The following TSPAN32 variants were observed in gnomAD, a reference collection of about 807,000 sequenced individuals.
TSPAN32 encodes tetraspanin 32, also known as tetraspanin-32.
A neutral mutation model predicts 42.7 loss-of-function variants in TSPAN32; 47 were observed. The observed-to-expected ratio is 1.10, with a 90% confidence interval of 0.87 to 1.40. TSPAN32 has a LOEUF of 1.40. Ranked by LOEUF, TSPAN32 falls within the 40% of genes most tolerant of loss-of-function variation. TSPAN32 has a pLI of 0.00. For synonymous variants in TSPAN32, 175 were observed against 175.9 expected, an observed-to-expected ratio of 0.99 and a Z score of 0.04; for missense variants, 469 against 424.1, an observed-to-expected ratio of 1.11 and a Z score of -0.93.
At chr11:2,306,715 C>T (rs1848111436) in intron 3 of TSPAN32, among the ~76,000 whole-genome samples, 1 of 149,310 alleles carries the variant, frequency 6.7e-6, no homozygotes, top group African/African-American at 2.5e-5. Flanking sequence ...TGGCCCTCAG[C>T]CAGCAAGGAG....
In TSPAN32 at chr11:2,316,246, C is replaced by T; in HGVS notation, c.561C>T (p.Ile187=). The change falls in exon 7 of 10, where the codon ATC becomes ATT. Residue 187 remains isoleucine (I), a synonymous_variant. Transcript: ENST00000182290. ...EAAREDCLQG[I]RSFLRTHQQV... is the part of the protein sequence containing the mutation. ...TCTCACAGGACTGCCTTCAGGGCAT[C>T]CGGAGCTTCCTGAGGACACACCAGC... 1 of 1,595,372 alleles carries T rather than the reference C, an allele frequency of 6.3e-7. No homozygotes were observed. The highest frequency in any genetic ancestry group is 1.1e-5 in the South Asian group (1 of 87,916).
chr11:2,306,305 C>T (rs555143239), intron 3 of TSPAN32, among the ~76,000 whole-genome samples: 15 of 152,244 alleles, frequency 9.9e-5, no homozygotes, highest in South Asian at 2.1e-4. Context: ...GCTGGCCTCT[C>T]GCACAGGAAA....
At chr11:2,312,601 T>TCCACTGC (rs1848526843) in intron 4 of TSPAN32, among the ~76,000 whole-genome samples, 1 of 152,146 alleles carries the variant, frequency 6.6e-6, no homozygotes, top group Non-Finnish European at 1.5e-5. Context: ...ACCGAGAGCC[T>TCCACTGC]CCACTGCCCA....
At chr11:2,308,357 G>A (rs889232119) in intron 3 of TSPAN32, among the ~76,000 whole-genome samples, 4 of 151,754 alleles carry the variant, frequency 2.6e-5, no homozygotes, top group Admixed American at 2.6e-4. Context: ...GCCCAGGCCT[G>A]CCAGGCCCCA....
At position 2,317,509 on chromosome 11, in the gene TSPAN32, C is replaced by A; in HGVS notation, c.885C>A (p.His295Gln). Reference sequence around the variant, plus strand: ...CTGCGCCTCTGCCCCTCTCCTGCCACCTGGCTGCCCACAGAGGTGAAGACG... The same window carrying A: ...CTGCGCCTCTGCCCCTCTCCTGCCAACTGGCTGCCCACAGAGGTGAAGACG... The part of the protein sequence containing the change: ...SDAAPLPLSC[H>Q]LAAHRALQGR... Residue 295 changes from histidine (H) to glutamine (Q), a missense_variant, in exon 9 of 10, where the codon CAC becomes CAA. Transcript: ENST00000182290. The surrounding 1 kb of genome is among the most constrained non-coding windows in gnomAD (Gnocchi z 6.2). 1 of 1,584,534 alleles carries A rather than the reference C, an allele frequency of 6.3e-7. No individual in the cohort carries two copies. The highest frequency in any genetic ancestry group is 8.6e-7 in the Non-Finnish European group (1 of 1,167,046).
intron 3 of TSPAN32, among the ~76,000 whole-genome samples, chr11:2,308,065 C>A (rs919723377): frequency 1.3e-5 from 2 of 152,180 alleles, no homozygotes; most frequent in Non-Finnish European, 2.9e-5. Context: ...CAGGAAGCAG[C>A]CCCAGTGGGC....
Position 2,302,020 on chromosome 11 carries a change from T to C in TSPAN32, c.-130T>C. On this transcript the variant is annotated 5_prime_UTR_variant, in exon 1 of 10. An upstream start codon of the reference 5' UTR is lost. Coordinates refer to ENST00000182290, the MANE Select transcript of TSPAN32 (RefSeq NM_139022.3). The stretch of plus-strand genomic sequence containing the variant: ...ACCCAGCAGCTCGGTCCTAGGGCGA[T>C]GTTGACAGACAGACAGAGGGGCGGA... 6.7e-7 allele frequency: 1 copy of C among 1,494,570 alleles called. No individual in the cohort carries two copies. The highest frequency in any genetic ancestry group is 8.9e-7 in the Non-Finnish European group (1 of 1,126,784). 92.6% of individuals were successfully genotyped at this position (1,494,570 alleles called of 1,614,324 possible).
intron 3 of TSPAN32, chr11:2,306,896 GAGA>G: frequency 7.6e-6 from 1 of 130,730 alleles, no homozygotes; most frequent in Admixed American, 7.3e-5. Flanking sequence ...GAAGAGGAGG[GAGA>G]AGGAGGGAGG....
At chr11:2,303,257 GCAGTCAGGGCTCAGTCC>G (rs1236562162) in intron 2 of TSPAN32, among the ~76,000 whole-genome samples, 1 of 151,966 alleles carries the variant, frequency 6.6e-6, no homozygotes, top group Admixed American at 6.5e-5. Flanking sequence ...CTGGCTCTGT[GCAGTCAGGGCTCAGTCC>G]CAGGCAGGCC....
chr11:2,308,792 A>T lies in TSPAN32; in HGVS notation c.336A>T (p.Arg112Ser). Residue 112 changes from arginine (R) to serine (S), a missense_variant, in exon 4 of 10, where the codon AGA becomes AGT. By Grantham distance (110) the Arg-to-Ser change is moderately radical. Coordinates refer to ENST00000182290, the MANE Select transcript of TSPAN32 (RefSeq NM_139022.3). Reference protein sequence around the residue: ...FCAQVQVVFWRLHSPTQVEDA... With the variant: ...FCAQVQVVFWSLHSPTQVEDA... ...CACAGGTGCAGGTGGTGTTCTGGAG[A>T]CTCCACAGCCCCACCCAGGTGAGCA... The T allele has an allele frequency of 1.3e-6, 2 of 1,569,270 alleles. No individual in the cohort carries two copies. The highest frequency in any genetic ancestry group is 1.7e-6 in the Non-Finnish European group (2 of 1,157,442).
intron 3 of TSPAN32, among the ~76,000 whole-genome samples, chr11:2,305,687 GT>G (rs1367585476): frequency 3.9e-5 from 6 of 152,192 alleles, no homozygotes; most frequent in Admixed American, 1.3e-4. Flanking sequence ...CAGGTTCTGT[GT>G]CCCCAGCCAG....
Position 2,316,454 on chromosome 11 carries a change from G to C in TSPAN32, c.628-122G>C. On this transcript the variant is annotated intron_variant, in intron 7 of 9. Transcript: ENST00000182290. Reference sequence around the variant, plus strand: ...CTGCCAACCTCAGGGAGCTGCTCTGGTGTGACAGGGCCTGCCTCCTACAGC... The same window carrying C: ...CTGCCAACCTCAGGGAGCTGCTCTGCTGTGACAGGGCCTGCCTCCTACAGC... 3 of 1,563,336 alleles carry C rather than the reference G, an allele frequency of 1.9e-6. No individual in the cohort carries two copies. In the South Asian group the frequency reaches 3.5e-5, roughly 18 times the overall value.
At position 2,304,114 on chromosome 11, in the gene TSPAN32, T is replaced by C. The variant is rs1410073869; in HGVS notation, c.189T>C (p.Ser63=). The part of the protein sequence containing the change: ...PYQAVHQWAF[S]AGLSLVGLLT... ...CTCTCTCCTCCCAACCAGCCTTCTC[T>C]GCGGGGTTGAGCCTGGTGGGCCTCC... The change falls in exon 3 of 10, where the codon TCT becomes TCC. Residue 63 remains serine, a synonymous_variant. Transcript: ENST00000182290. This position sits in a 1 kb window ranked among gnomAD's most constrained non-coding sequence, Gnocchi z 4.8. 6.3e-7 allele frequency: 1 copy of C among 1,581,362 alleles called. No individual in the cohort carries two copies. Among genetic ancestry groups the C allele is most frequent in the Non-Finnish European group, 8.6e-7 (1 of 1,163,714 alleles).
At chr11:2,316,343 C>T in intron 7 of TSPAN32, 31 bp downstream of exon 7, 1 of 1,571,044 alleles carries the variant, frequency 6.4e-7, no homozygotes. Flanking sequence ...CTGCCCCTTC[C>T]CACCTCCTGC....
Position 2,313,825 on chromosome 11 carries a change from C to G in TSPAN32, c.456+70C>G. The G allele has an allele frequency of 1.6e-6, 2 of 1,258,936 alleles. No individual in the cohort carries two copies. The highest frequency in any genetic ancestry group is 2.6e-5 in the South Asian group (2 of 76,422). The allele number at this position is 1,258,936 out of a possible 1,614,324, so 78.0% of individuals were successfully genotyped here. A position where few individuals can be genotyped will look rare whatever the true frequency, so the allele number is the denominator to read the frequency against. On this transcript the variant is annotated intron_variant, in intron 5 of 9. Transcript: ENST00000182290. This position sits in a 1 kb window ranked among gnomAD's most constrained non-coding sequence, Gnocchi z 9.1. ...TGGACTGCAGTTCAGAGAACAGGCG[C>G]AGGGTGGCCAGTGAGAGGTCTGGCC...
At chr11:2,307,295 C>T (rs1441649820) in intron 3 of TSPAN32, among the ~76,000 whole-genome samples, 1 of 152,152 alleles carries the variant, frequency 6.6e-6, no homozygotes, top group Non-Finnish European at 1.5e-5. Context: ...TGTGGGTCTC[C>T]GTCTATCCCA....
chr11:2,303,009 G>A (rs1221913321), intron 2 of TSPAN32, 51 bp downstream of exon 2: 3 of 1,530,630 alleles, frequency 2.0e-6, no homozygotes, highest in Non-Finnish European at 2.7e-6. Flanking sequence ...GGGTGCAAGG[G>A]TGGCTGGCAC....
chr11:2,308,196 G>A (rs1437898882), intron 3 of TSPAN32, among the ~76,000 whole-genome samples: 2 of 152,134 alleles, frequency 1.3e-5, no homozygotes, highest in African/African-American at 4.8e-5. Context: ...AAAGCGCAGG[G>A]GAAGGGGATG....
chr11:2,307,146 C>T (rs1029603907), intron 3 of TSPAN32, among the ~76,000 whole-genome samples: 2 of 152,134 alleles, frequency 1.3e-5, no homozygotes, highest in Non-Finnish European at 2.9e-5. Flanking sequence ...GAGCCGCCAG[C>T]GCCCTGTCCC....
Sources: gnomAD v4.1 joint callset for allele counts (sites outside exome capture counted in the v4.1 genomes callset) on GRCh38, gnomAD v4.1.1 for gene constraint, Gnocchi (gnomAD v3.1) non-coding constraint, MANE v1.5 for transcripts, NCBI Gene and HGNC (gene_info 2026-07-23, HGNC 2026-07-21) for gene names.